The following ECE1 variants were observed in gnomAD, a reference collection of about 807,000 sequenced individuals.
The protein encoded by ECE1 is endothelin converting enzyme 1, also known as endothelin-converting enzyme 1.
A neutral mutation model predicts 98.6 loss-of-function variants in ECE1; 35 were observed. The ratio of observed to expected loss-of-function variants is 0.35; its 90% CI spans 0.27 to 0.47. The LOEUF (loss-of-function observed/expected upper bound fraction) is 0.47, where lower values mean the gene tolerates loss of function less well. Ranked by LOEUF, ECE1 falls within the 20% of genes least tolerant of loss-of-function variation. The pLI, the probability that ECE1 is intolerant of heterozygous loss-of-function variation, is 1.00. For missense variants in ECE1, 814 were observed against 1,025.3 expected (o/e 0.79, Z 2.81); for synonymous variants, 394 against 407.1 (o/e 0.97, Z 0.39).
chr1:21,329,049 G>A (rs1025888865), intron 1 of ECE1, among the ~76,000 whole-genome samples: 5 of 152,136 alleles, frequency 3.3e-5, no homozygotes, highest in African/African-American at 1.2e-4. Context: ...GCGATGTTCT[G>A]ATGGCTGAAG....
chr1:21,258,592 CA>C lies in ECE1; in HGVS notation c.762+100del. On this transcript the variant is annotated intron_variant, in intron 6 of 18. Coordinates refer to ENST00000374893, the MANE Select transcript of ECE1 (RefSeq NM_001397.3). This position sits in a 1 kb window ranked among gnomAD's most constrained non-coding sequence, Gnocchi z 4.2. Reference sequence around the variant, plus strand: ...CTCAGAAACTAGAAGACCGCCGTCCCACCCAGGGCAAGCCCCTCTCCCACCC... The same window carrying C: ...CTCAGAAACTAGAAGACCGCCGTCCCCCCAGGGCAAGCCCCTCTCCCACCC... The C allele has an allele frequency of 8.8e-7, 1 of 1,137,754 alleles. No individual in the cohort carries two copies. The highest frequency in any genetic ancestry group is 1.3e-6 in the Non-Finnish European group (1 of 771,156). The allele number at this position is 1,137,754 out of a possible 1,614,324, so 70.5% of individuals were successfully genotyped here. A position where few individuals can be genotyped will look rare whatever the true frequency, so the allele number is the denominator to read the frequency against.
chr1:21,254,918 T>C (rs137877016), intron 8 of ECE1, among the ~76,000 whole-genome samples: 11 of 152,260 alleles, frequency 7.2e-5, no homozygotes, highest in Middle Eastern at 3.4e-3. Context: ...GGCCTGGAAA[T>C]GCTCATCTAT....
rs1027942388 is a variant in ECE1, at chr1:21,329,679, G to C, written c.3+15697C>G. ...CAAACCAGGAAATGCTTCTCTGTCT[G>C]TCTGTGCCTCCTACCTGCCACAGGA... On this transcript the variant is annotated intron_variant, in intron 1 of 18. Coordinates refer to the ECE1 transcript ENST00000415912. Among the ~76,000 whole-genome samples the C allele has an allele frequency of 2.0e-5, 3 of 152,184 alleles. 1 individual carries two copies. The highest frequency in any genetic ancestry group is 4.4e-5 in the Non-Finnish European group (3 of 68,042).
intron 1 of ECE1, among the ~76,000 whole-genome samples, chr1:21,332,611 G>A (rs1468796587): frequency 1.9e-4 from 14 of 72,096 alleles, no homozygotes; most frequent in Admixed American, 8.3e-4. Context: ...AGGAGGGGGG[G>A]AGAGAGATAG....
chr1:21,296,119 G>A (rs1638345469), intron 1 of ECE1, among the ~76,000 whole-genome samples: 1 of 152,034 alleles, frequency 6.6e-6, no homozygotes, highest in African/African-American at 2.4e-5. Flanking sequence ...AACATTTGTT[G>A]TTACTCTAGC....
At chr1:21,284,611 G>A (rs2098258524) in intron 2 of ECE1, among the ~76,000 whole-genome samples, 1 of 152,228 alleles carries the variant, frequency 6.6e-6, no homozygotes, top group Non-Finnish European at 1.5e-5. Flanking sequence ...AGGGAACAAA[G>A]CCCTAATCCG....
chr1:21,240,353 G>A (rs1347823262), intron 10 of ECE1, among the ~76,000 whole-genome samples: 1 of 151,948 alleles, frequency 6.6e-6, no homozygotes, highest in South Asian at 2.1e-4. Flanking sequence ...CGGGTGTGGT[G>A]GTAGGCACCT....
intron 2 of ECE1, among the ~76,000 whole-genome samples, chr1:21,281,604 G>A (rs1281033512): frequency 6.6e-6 from 1 of 152,158 alleles, no homozygotes; most frequent in East Asian, 1.9e-4. Context: ...CCCCTAATTT[G>A]TTTCATCCTT....
chr1:21,245,157 C>A (rs527981775), intron 9 of ECE1, 54 bp from the exon 10 acceptor site: 1 of 1,517,318 alleles, frequency 6.6e-7, no homozygotes, highest in Admixed American at 1.7e-5. Flanking sequence ...GGGAGGATTG[C>A]GGCCCTTCCC....
Position 21,225,467 on chromosome 1 carries a change from CAAGG to C in ECE1, c.1850-31_1850-28del. On this transcript the variant is annotated intron_variant, in intron 16 of 18. Transcript: ENST00000374893. The surrounding 1 kb of genome is among the most constrained non-coding windows in gnomAD (Gnocchi z 5.3). The stretch of plus-strand genomic sequence containing the variant: ...TGTGGGTCAGAGGGAGGCGTCATGT[CAAGG>C]GAGGGAGGGGCACAGCAGGGACCTG... The C allele has an allele frequency of 6.2e-7, 1 of 1,611,756 alleles. No individual in the cohort carries two copies. The highest frequency in any genetic ancestry group is 8.5e-7 in the Non-Finnish European group (1 of 1,179,094).
intron 1 of ECE1, among the ~76,000 whole-genome samples, chr1:21,330,226 CTTTT>C (rs71014186): frequency 2.8e-4 from 12 of 43,402 alleles, no homozygotes; most frequent in African/African-American, 9.6e-4. Context: ...TCGCCAAATA[CTTTT>C]TTTTTTTTTT....
chr1:21,262,317 A>G (rs1261997215), intron 4 of ECE1, among the ~76,000 whole-genome samples: 1 of 152,180 alleles, frequency 6.6e-6, no homozygotes, highest in African/African-American at 2.4e-5. Flanking sequence ...GGCAGCTCTG[A>G]GAAGAGGACT....
intron 10 of ECE1, among the ~76,000 whole-genome samples, chr1:21,243,832 C>G (rs187027286): frequency 1.3e-5 from 2 of 152,358 alleles, no homozygotes; most frequent in Admixed American, 6.5e-5. Context: ...GCTTTGTCCT[C>G]TGCAGGGCAG....
intron 12 of ECE1, 133 bp from the exon 13 acceptor site, chr1:21,236,060 T>C: frequency 1.2e-6 from 1 of 847,098 alleles, no homozygotes; most frequent in Non-Finnish European, 2.0e-6. Flanking sequence ...GGCTTTCATG[T>C]CTTTTTCTGG....
rs557653715 is a variant in ECE1 at position 21,229,014 on chromosome 1, T to C, written c.1671-973A>G. Among the ~76,000 whole-genome samples the C allele has an allele frequency of 9.9e-5, 15 of 151,758 alleles. No individual in the cohort carries two copies. The South Asian group carries it at 3.1e-3, about 32-fold the overall frequency. ...CCACCACCTTGCCCGGCTGATTTTT[T>C]GTATTTTTAGTAGAGATGGGGTTTC... On this transcript the variant is annotated intron_variant, in intron 14 of 18. Coordinates refer to ENST00000374893, the MANE Select transcript of ECE1 (RefSeq NM_001397.3).
chr1:21,313,567 G>A (rs1638772097), intron 1 of ECE1, among the ~76,000 whole-genome samples: 1 of 152,116 alleles, frequency 6.6e-6, no homozygotes, highest in Admixed American at 6.6e-5. Context: ...GGTGGGAGTG[G>A]GGGAGCAGGG....
At chr1:21,264,797 A>G (rs922525856) in intron 4 of ECE1, among the ~76,000 whole-genome samples, 1 of 152,222 alleles carries the variant, frequency 6.6e-6, no homozygotes, top group African/African-American at 2.4e-5. Context: ...AGGCGTAATG[A>G]TAACTGCAGG....
chr1:21,289,496 T>A (rs2098264129), intron 2 of ECE1, among the ~76,000 whole-genome samples: 1 of 152,068 alleles, frequency 6.6e-6, no homozygotes. Flanking sequence ...GGAATTGGAC[T>A]TCCTTAGTAG....
intron 1 of ECE1, chr1:21,344,935 A>ACGCTTG (rs1286028721): frequency 6.5e-6 from 1 of 153,692 alleles, no homozygotes; most frequent in East Asian, 1.9e-4. Flanking sequence ...CCCCAGACCG[A>ACGCTTG]CCTCAGTGTC....
Sources: allele counts gnomAD v4.1 joint callset (sites outside exome capture counted in the v4.1 genomes callset), GRCh38; gene constraint gnomAD v4.1.1; non-coding constraint Gnocchi (gnomAD v3.1); transcripts MANE v1.5; gene names NCBI Gene and HGNC (gene_info 2026-07-23, HGNC 2026-07-21).